HHAT: variants seen among roughly 807,000 people sequenced by gnomAD.
The protein encoded by HHAT is hedgehog acyltransferase, also known as protein-cysteine N-palmitoyltransferase HHAT.
HHAT carries 47 observed loss-of-function variants against 70.8 expected under a neutral mutation model. The observed-to-expected ratio is 0.66, with a 90% confidence interval of 0.53 to 0.85. The LOEUF (loss-of-function observed/expected upper bound fraction) is 0.85. Among genes scored for constraint, HHAT ranks in the 40% least tolerant of loss-of-function variants. The pLI, the probability that HHAT is intolerant of heterozygous loss-of-function variation, is 0.00. For missense variants in HHAT, 609 were observed against 604.8 expected (o/e 1.01, Z -0.07); for synonymous variants, 228 against 247.6 (o/e 0.92, Z 0.74).
chr1:210,630,427 G>A (rs1670643048), intron 11 of HHAT, among the ~76,000 whole-genome samples: 1 of 152,122 alleles, frequency 6.6e-6, no homozygotes, highest in Admixed American at 6.5e-5. Flanking sequence ...GGTTATAATA[G>A]CAATTTGGAT....
At chr1:210,537,662 A>T (rs915554012) in intron 9 of HHAT, among the ~76,000 whole-genome samples, 2 of 152,218 alleles carry the variant, frequency 1.3e-5, no homozygotes. Flanking sequence ...ACAAGCAACG[A>T]ATGGGATAGA....
In HHAT at chr1:210,384,362, C is replaced by G. The variant is rs184221907; in HGVS notation, c.160-3106C>G. 3.2e-4 allele frequency among the ~76,000 whole-genome samples: 49 copies of G among 152,156 alleles called. 2 individuals are homozygous for G. The South Asian group carries it at 1.0e-2, about 31-fold the overall frequency. ...GTGCCCTCCCTGCCTGGGAATGGTA[C>G]GGGGCGGGCTGAGCTGTTAAGGATT... On this transcript the variant is annotated intron_variant, in intron 3 of 11. Coordinates refer to ENST00000261458, the MANE Select transcript of HHAT (RefSeq NM_018194.6).
chr1:210,619,820 G>T (rs755020576), intron 10 of HHAT, among the ~76,000 whole-genome samples: 1 of 152,120 alleles, frequency 6.6e-6, no homozygotes, highest in Non-Finnish European at 1.5e-5. Context: ...GAAGAGACCG[G>T]GACCAGACCA....
rs183836734 is a variant in HHAT, at chr1:210,404,787, T to A, written c.684+108T>A. On this transcript the variant is annotated intron_variant, in intron 6 of 11. Coordinates refer to ENST00000261458, the MANE Select transcript of HHAT (RefSeq NM_018194.6). Reference sequence around the variant, plus strand: ...CGTTTTGTTCAGAGGTGCCCACAGATTTACAACACATACTATTAGTTCTCA... The same window carrying A: ...CGTTTTGTTCAGAGGTGCCCACAGAATTACAACACATACTATTAGTTCTCA... The A allele has an allele frequency of 1.3e-4, 97 of 740,788 alleles. No homozygotes were observed. The African/African-American group carries it at 1.6e-3, about 12-fold the overall frequency. The allele number at this position is 740,788 out of a possible 1,614,324, so 45.9% of individuals were successfully genotyped here. A position where few individuals can be genotyped will look rare whatever the true frequency, so the allele number is the denominator to read the frequency against.
chr1:210,502,383 CAAAAAAAAAA>C lies in HHAT; in HGVS notation c.1008-10760_1008-10751del, dbSNP rs1177468677. 2.6e-3 allele frequency among the ~76,000 whole-genome samples: 223 copies of C among 87,022 alleles called. 3 individuals are homozygous for C. The highest frequency in any genetic ancestry group is 8.9e-3 in the African/African-American group (209 of 23,484). The allele number at this position is 87,022 out of a possible 152,430, so 57.1% of individuals were successfully genotyped here. ...TGGGCAAAAGAGCAAGACTCAGTCT[CAAAAAAAAAA>C]AAAAAAAAATCTTTCCTAGTCCAGA... is the stretch of plus-strand genomic sequence containing the variant. On this transcript the variant is annotated intron_variant, in intron 8 of 11. Coordinates refer to ENST00000261458, the MANE Select transcript of HHAT (RefSeq NM_018194.6).
chr1:210,347,112 G>T (rs1174956433), intron 1 of HHAT, among the ~76,000 whole-genome samples: 1 of 152,122 alleles, frequency 6.6e-6, no homozygotes, highest in Non-Finnish European at 1.5e-5. Context: ...CTGTATAATA[G>T]ATCCTCAGAA....
chr1:210,328,293 C>T (rs1398283884), upstream of HHAT: 5 of 152,174 alleles, frequency 3.3e-5, no homozygotes, highest in African/African-American at 1.2e-4. Context: ...GCAACATCGT[C>T]CCAATTATAC....
intron 8 of HHAT, among the ~76,000 whole-genome samples, chr1:210,481,968 TG>T (rs1234420591): frequency 6.6e-6 from 1 of 152,104 alleles, no homozygotes; most frequent in Non-Finnish European, 1.5e-5. Flanking sequence ...CCAGTGTGGC[TG>T]TCATGGAATA....
intron 8 of HHAT, among the ~76,000 whole-genome samples, chr1:210,504,257 T>C (rs2148555228): frequency 6.6e-6 from 1 of 152,344 alleles, no homozygotes; most frequent in South Asian, 2.1e-4. Context: ...AATTATAGCA[T>C]TAATATAGTT....
chr1:210,515,829 A>C (rs2095046614), intron 9 of HHAT, among the ~76,000 whole-genome samples: 1 of 150,494 alleles, frequency 6.6e-6, no homozygotes, highest in Non-Finnish European at 1.5e-5. Context: ...GCACTTTGGG[A>C]GGCCAAGGCA....
chr1:210,432,045 A>G (rs1022007582), intron 7 of HHAT, among the ~76,000 whole-genome samples: 3 of 151,852 alleles, frequency 2.0e-5, no homozygotes, highest in Non-Finnish European at 2.9e-5. Context: ...ATCATTATTA[A>G]TAGTTTCTTT....
At position 210,557,101 on chromosome 1, in the gene HHAT, C is replaced by T. The variant is rs74826385; in HGVS notation, c.1044-30797C>T. 8.9e-3 allele frequency among the ~76,000 whole-genome samples: 1,348 copies of T among 152,250 alleles called. 20 individuals carry two copies. The highest frequency in any genetic ancestry group is 0.031 in the African/African-American group (1,279 of 41,532). ...GAGCATGGGGAGGACCCAGTGGTGCCAAAGGCTCACAGGTGAGAAAGAGAC... is the reference window on the plus strand; with the variant it reads ...GAGCATGGGGAGGACCCAGTGGTGCTAAAGGCTCACAGGTGAGAAAGAGAC... On this transcript the variant is annotated intron_variant, in intron 9 of 11. Transcript: ENST00000261458.
intron 3 of HHAT, among the ~76,000 whole-genome samples, chr1:210,367,539 C>T (rs2089121077): frequency 6.6e-6 from 1 of 152,016 alleles, no homozygotes; most frequent in Non-Finnish European, 1.5e-5. Flanking sequence ...TAGGATTTGG[C>T]AAGATCATCA....
At chr1:210,550,187 C>G (rs922710924) in intron 9 of HHAT, among the ~76,000 whole-genome samples, 1 of 149,486 alleles carries the variant, frequency 6.7e-6, no homozygotes, top group Admixed American at 6.8e-5. Context: ...ACACAGACTT[C>G]TCTCTTTTCT....
chr1:210,660,260 TAC>T (rs1677370122), intron 11 of HHAT, among the ~76,000 whole-genome samples: 4 of 152,240 alleles, frequency 2.6e-5, no homozygotes, highest in Admixed American at 2.6e-4. Context: ...AGCATTCCTA[TAC>T]ACCAATAACA....
intron 7 of HHAT, among the ~76,000 whole-genome samples, chr1:210,418,751 G>A (rs2092802447): frequency 1.3e-5 from 2 of 152,174 alleles, no homozygotes; most frequent in African/African-American, 4.8e-5. Flanking sequence ...AAGAATATGA[G>A]GCTGGGTGTG....
intron 7 of HHAT, among the ~76,000 whole-genome samples, chr1:210,432,912 AT>A (rs2093285586): frequency 6.6e-6 from 1 of 151,626 alleles, no homozygotes; most frequent in Admixed American, 6.6e-5. Flanking sequence ...GCAGCCTCTG[AT>A]TTCCTTCTGA....
chr1:210,374,909 G>A (rs912460572), intron 3 of HHAT, among the ~76,000 whole-genome samples: 8 of 152,018 alleles, frequency 5.3e-5, no homozygotes, highest in South Asian at 2.1e-4. Context: ...GTACCCAGTA[G>A]TTAGTTTTTC....
intron 8 of HHAT, among the ~76,000 whole-genome samples, chr1:210,485,614 C>T (rs1202747202): frequency 1.3e-5 from 2 of 152,094 alleles, no homozygotes; most frequent in African/African-American, 2.4e-5. Context: ...TACAGTTCCA[C>T]GTGGCTGGGG....
Sources: allele counts gnomAD v4.1 joint callset (sites outside exome capture counted in the v4.1 genomes callset), GRCh38; gene constraint gnomAD v4.1.1; transcripts MANE v1.5; gene names NCBI Gene and HGNC (gene_info 2026-07-23, HGNC 2026-07-21).